The following LRRC34 variants were observed in gnomAD, a reference collection of about 807,000 sequenced individuals.
LRRC34 encodes the protein leucine-rich repeat-containing protein 34.
In LRRC34, 44 loss-of-function variants were observed where a neutral mutation model predicts 48.5. The ratio of observed to expected loss-of-function variants is 0.91; its 90% confidence interval spans 0.71 to 1.17. LRRC34 has a LOEUF of 1.17. LRRC34 is among the 50% of genes most tolerant of loss of function. The pLI, the probability that LRRC34 is intolerant of heterozygous loss-of-function variation, is 0.00. For missense variants in LRRC34, 502 were observed against 563.0 expected (o/e 0.89, Z 1.10); for synonymous variants, 192 against 197.6 (o/e 0.97, Z 0.24).
chr3:169,798,929 A>G (rs937032280), intron 7 of LRRC34, among the ~76,000 whole-genome samples: 4 of 152,172 alleles, frequency 2.6e-5, no homozygotes, highest in Non-Finnish European at 5.9e-5. Flanking sequence ...GACAAGTGCT[A>G]TGTAATTTAT....
At chr3:169,797,663 C>T (rs542752711) in intron 7 of LRRC34, among the ~76,000 whole-genome samples, 7 of 152,230 alleles carry the variant, frequency 4.6e-5, no homozygotes, top group African/African-American at 1.4e-4. Flanking sequence ...ACTGGAAATG[C>T]TGATGATGAA....
chr3:169,804,090 G>C lies in LRRC34; in HGVS notation c.620C>G (p.Ser207Ter). The change falls in exon 6 of 11, where the codon TCA becomes TGA. Residue 207 changes from serine (S) to a stop codon, truncating the protein, a stop_gained. Coordinates refer to ENST00000446859, the MANE Select transcript of LRRC34 (RefSeq NM_001172779.2). LOFTEE classifies it high-confidence loss of function. ...MFFAAMLQIN[S>*]SLEKLDLGDC... ...ACCCAGATCTAATTTCTCTAATGAT[G>C]AATTAATTTGCAGCATTGCAGCAAA... The C allele has an allele frequency of 6.3e-7, 1 of 1,599,892 alleles. No individual in the cohort carries two copies. Among genetic ancestry groups the C allele is most frequent in the Non-Finnish European group, 8.5e-7 (1 of 1,172,820 alleles).
In LRRC34 at chr3:169,793,916, T is replaced by C. The variant is rs547219481; in HGVS notation, c.1192-78A>G. 4.3e-6 allele frequency: 4 copies of C among 920,618 alleles called. No homozygotes were observed. In the South Asian group the frequency reaches 7.5e-5, roughly 17 times the overall value. The allele number at this position is 920,618 out of a possible 1,614,324, so 57.0% of individuals were successfully genotyped here. On this transcript the variant is annotated intron_variant, in intron 10 of 10. Coordinates refer to ENST00000446859, the MANE Select transcript of LRRC34 (RefSeq NM_001172779.2). The stretch of plus-strand genomic sequence containing the variant: ...ACAGTGCTTACGGAAATTTAAATAT[T>C]CAAATTAGCTGTGCTAATTTGTAGT...
At chr3:169,794,142 C>T (rs1778899277) in intron 10 of LRRC34, 1 of 214,542 alleles carries the variant, frequency 4.7e-6, no homozygotes, top group Non-Finnish European at 9.3e-6. Flanking sequence ...TGGACCAAAG[C>T]TCCTATGGTC....
rs191762762 is a variant in LRRC34 at position 169,809,763 on chromosome 3, A to G, written c.140-1018T>C. Among the ~76,000 whole-genome samples, 271 of 152,276 alleles carry G rather than the reference A, an allele frequency of 1.8e-3. 2 individuals are homozygous for G. Among genetic ancestry groups the G allele is most frequent in the Middle Eastern group, 3.4e-3 (1 of 294 alleles). ...GAGCTGGCTTCTCTTCTAAGTCTCT[A>G]CATCTCAGAAATGTTGTTTACTGAG... On this transcript the variant is annotated intron_variant, in intron 1 of 10. Coordinates refer to ENST00000446859, the MANE Select transcript of LRRC34 (RefSeq NM_001172779.2).
intron 9 of LRRC34, 108 bp from the exon 10 acceptor site, chr3:169,795,719 G>T: frequency 7.1e-7 from 1 of 1,403,194 alleles, no homozygotes; most frequent in Non-Finnish European, 9.3e-7. Context: ...GTAATGTAGT[G>T]GTAAAAATAC....
In LRRC34 at chr3:169,812,666, C is replaced by CCT; in HGVS notation, c.-119_-118insAG. The CCT allele has an allele frequency of 1.3e-5, 17 of 1,347,962 alleles. No individual in the cohort carries two copies. The highest frequency in any genetic ancestry group is 1.5e-5 in the African/African-American group (1 of 64,700). The allele number at this position is 1,347,962 out of a possible 1,614,324, so 83.5% of individuals were successfully genotyped here. ...CTGCCCGGGCCCTGAGGCCTCACTG[C>CCT]TAAGGCAGTGACCGCCTACTCTGTG... is the stretch of plus-strand genomic sequence containing the variant. On this transcript the variant is annotated 5_prime_UTR_variant, in exon 1 of 11. Transcript: ENST00000446859. The surrounding 1 kb of genome is among the most constrained non-coding windows in gnomAD (Gnocchi z 4.3).
rs1378132115 is a variant in LRRC34, at chr3:169,804,115, A to T, written c.595T>A (p.Phe199Ile). The change falls in exon 6 of 11, where the codon TTT (phenylalanine) becomes ATT (isoleucine). Residue 199 changes from phenylalanine (F) to isoleucine (I), a missense_variant. Phe to Ile is a conservative substitution (Grantham distance 21). Coordinates refer to ENST00000446859, the MANE Select transcript of LRRC34 (RefSeq NM_001172779.2). ...NKIENKGGMF[F>I]AAMLQINSSL... ...GAATTAATTTGCAGCATTGCAGCAA[A>T]AAACATTCCACCTTTATTTTCAATT... 6.2e-7 allele frequency: 1 copy of T among 1,608,212 alleles called. No individual in the cohort carries two copies. Among genetic ancestry groups the T allele is most frequent in the Non-Finnish European group, 8.5e-7 (1 of 1,176,912 alleles).
intron 1 of LRRC34, among the ~76,000 whole-genome samples, chr3:169,810,837 AGC>A (rs1335490516): frequency 6.6e-6 from 1 of 152,170 alleles, no homozygotes; most frequent in Non-Finnish European, 1.5e-5. Flanking sequence ...GGCCGAGGCG[AGC>A]GGATCACTTG....
chr3:169,800,857 T>A, intron 6 of LRRC34, 103 bp from the exon 7 acceptor site: 1 of 767,802 alleles, frequency 1.3e-6, no homozygotes, highest in Non-Finnish European at 2.0e-6. Context: ...AAATTGTTTT[T>A]AAAATTTAAG....
chr3:169,806,960 T>G (rs1195062247), intron 4 of LRRC34, 29 bp from the exon 5 acceptor site: 1 of 1,380,244 alleles, frequency 7.2e-7, no homozygotes, highest in Admixed American at 1.8e-5. Flanking sequence ...TATTACACAT[T>G]ATTATTATTG....
At chr3:169,793,978 T>C (rs749217461) in intron 10 of LRRC34, 140 bp from the exon 11 acceptor site, 45 of 567,876 alleles carry the variant, frequency 7.9e-5, no homozygotes, top group Admixed American at 1.8e-4. Context: ...TGCTGAATTT[T>C]AATATTTTCC....
chr3:169,800,531 T>C, intron 7 of LRRC34, 128 bp downstream of exon 7: 1 of 470,782 alleles, frequency 2.1e-6, no homozygotes, highest in Non-Finnish European at 3.7e-6. Context: ...TTATAAATAG[T>C]AGTTTACAAG....
At position 169,795,509 on chromosome 3, in the gene LRRC34, G is replaced by C. The variant is rs1297129819; in HGVS notation, c.1167C>G (p.Asn389Lys). 6.2e-7 allele frequency: 1 copy of C among 1,611,782 alleles called. No homozygotes were observed. The highest frequency in any genetic ancestry group is 8.5e-7 in the Non-Finnish European group (1 of 1,178,626). The change falls in exon 10 of 11, where the codon AAC becomes AAG. Residue 389 changes from asparagine to lysine, a missense_variant. Coordinates refer to ENST00000446859, the MANE Select transcript of LRRC34 (RefSeq NM_001172779.2). ...CTATACACGTAGCCTCATCAAATTTGTTTCCCCAAATGTAGATATGAGAGA... is the reference window on the plus strand; with the variant it reads ...CTATACACGTAGCCTCATCAAATTTCTTTCCCCAAATGTAGATATGAGAGA... ...LTFSHIYIWG[N>K]KFDEATCIAY... is the part of the protein sequence containing the mutation.
At chr3:169,810,082 G>A (rs533356431) in intron 1 of LRRC34, among the ~76,000 whole-genome samples, 7 of 150,194 alleles carry the variant, frequency 4.7e-5, no homozygotes, top group Admixed American at 2.7e-4. Flanking sequence ...TCAGCCTCCC[G>A]AGTAGCTGGG....
At chr3:169,811,897 T>C (rs1047562676) in intron 1 of LRRC34, among the ~76,000 whole-genome samples, 4 of 152,132 alleles carry the variant, frequency 2.6e-5, no homozygotes, top group African/African-American at 9.7e-5. Context: ...AAAACCAGCA[T>C]ATAAAACGGA....
chr3:169,803,278 G>A (rs535025133), intron 6 of LRRC34, among the ~76,000 whole-genome samples: 6 of 152,194 alleles, frequency 3.9e-5, no homozygotes, highest in South Asian at 4.2e-4. Flanking sequence ...TCACAGGCAC[G>A]GTTGTAGTGA....
intron 9 of LRRC34, chr3:169,795,946 T>C: frequency 8.4e-7 from 1 of 1,193,208 alleles, no homozygotes; most frequent in Non-Finnish European, 1.0e-6. Context: ...TGAATGCTTC[T>C]GAGTTTTCTA....
At chr3:169,805,080 C>A (rs927330823) in intron 5 of LRRC34, among the ~76,000 whole-genome samples, 3 of 152,154 alleles carry the variant, frequency 2.0e-5, no homozygotes, top group Non-Finnish European at 4.4e-5. Context: ...ACGATTCAAA[C>A]CCCTCTGAGA....
Sources: allele counts gnomAD v4.1 joint callset (sites outside exome capture counted in the v4.1 genomes callset), GRCh38; gene constraint gnomAD v4.1.1; non-coding constraint Gnocchi (gnomAD v3.1); transcripts MANE v1.5; gene names NCBI Gene and HGNC (gene_info 2026-07-23, HGNC 2026-07-21).